ESRRG: variants seen among roughly 807,000 people sequenced by gnomAD.
ESRRG encodes the protein estrogen related receptor gamma, also known as estrogen-related receptor gamma.
ESRRG carries 13 observed loss-of-function variants against 44.0 expected under a neutral mutation model. The ratio of observed to expected loss-of-function variants is 0.30; its 90% CI spans 0.19 to 0.47. The LOEUF (loss-of-function observed/expected upper bound fraction) is 0.47, where lower values mean the gene tolerates loss of function less well. Ranked by LOEUF, ESRRG falls within the 20% of genes least tolerant of loss-of-function variation. The probability of loss-of-function intolerance (pLI) is 1.00; values close to 1 mark genes in which losing one functional copy is unlikely to be tolerated. For synonymous variants in ESRRG, 215 were observed against 214.6 expected (o/e 1.00, Z -0.02); for missense variants, 395 against 580.6 (o/e 0.68, Z 3.29).
intron 2 of ESRRG, among the ~76,000 whole-genome samples, chr1:216,925,657 G>A (rs551362541): frequency 6.6e-6 from 1 of 151,702 alleles, no homozygotes; most frequent in Non-Finnish European, 1.5e-5. Flanking sequence ...TTTATTCAAA[G>A]TGGGTCTGCT....
chr1:216,657,903 T>C (rs1366039982), intron 2 of ESRRG, among the ~76,000 whole-genome samples: 2 of 152,112 alleles, frequency 1.3e-5, no homozygotes, highest in East Asian at 3.9e-4. Flanking sequence ...AGGATTAAAT[T>C]CTGACAATCA....
intron 2 of ESRRG, among the ~76,000 whole-genome samples, chr1:216,655,796 G>C (rs1217887125): frequency 1.3e-5 from 2 of 152,056 alleles, no homozygotes; most frequent in African/African-American, 4.8e-5. Flanking sequence ...TAATTTCCAG[G>C]CCCTCCCATT....
chr1:216,506,570 A>G lies in ESRRG; in HGVS notation c.*369T>C, dbSNP rs1389637177. ...TTTAGAAAAAAGGGGAAGGATGAGA[A>G]AAGAGAGGAATGAGAGTAGGTAAAG... is the stretch of plus-strand genomic sequence containing the variant. On this transcript the variant is annotated 3_prime_UTR_variant, in exon 7 of 7. Transcript: ENST00000408911. 2.2e-6 allele frequency: 1 copy of G among 458,648 alleles called. No individual in the cohort carries two copies. The allele number at this position is 458,648 out of a possible 1,614,324, so 28.4% of individuals were successfully genotyped here.
At chr1:216,615,789 G>C (rs2061352612) in intron 3 of ESRRG, among the ~76,000 whole-genome samples, 1 of 144,074 alleles carries the variant, frequency 6.9e-6, no homozygotes, top group South Asian at 2.2e-4. Flanking sequence ...CCAGGCTCAA[G>C]AGATTCTCCT....
chr1:217,081,179 G>T (rs2091730603), intron 1 of ESRRG, among the ~76,000 whole-genome samples: 1 of 147,156 alleles, frequency 6.8e-6, no homozygotes, highest in Admixed American at 6.8e-5. Flanking sequence ...CTGATGGAAG[G>T]GTTGATTAGA....
chr1:217,075,595 C>CCG (rs1553275062), intron 1 of ESRRG, among the ~76,000 whole-genome samples: 2 of 146,954 alleles, frequency 1.4e-5, no homozygotes, highest in African/African-American at 5.1e-5. Context: ...CCTTTCCCCC[C>CCG]CCCAACATTA....
chr1:216,814,439 A>G (rs2095072288), intron 2 of ESRRG, among the ~76,000 whole-genome samples: 1 of 152,254 alleles, frequency 6.6e-6, no homozygotes, highest in Non-Finnish European at 1.5e-5. Flanking sequence ...CATCTCAAAA[A>G]ATTAATAAGC....
chr1:216,938,240 C>T lies in ESRRG; in HGVS notation c.-14+1342G>A, dbSNP rs76928676. ...CTATTTCTAGTGTACAAATCATTGC[C>T]CCTTCCTGCAATGGCATAGTAAGCA... On this transcript the variant is annotated intron_variant, in intron 2 of 7. Coordinates refer to the ESRRG transcript ENST00000359162. 4.7e-3 allele frequency among the ~76,000 whole-genome samples: 721 copies of T among 152,196 alleles called. 7 individuals are homozygous for T. Among genetic ancestry groups the T allele is most frequent in the African/African-American group, 0.016 (675 of 41,516 alleles).
chr1:216,792,629 CTACTT>C (rs1461306564), intron 2 of ESRRG, among the ~76,000 whole-genome samples: 1 of 152,298 alleles, frequency 6.6e-6, no homozygotes, highest in South Asian at 2.1e-4. Context: ...ATTTAATAGA[CTACTT>C]TACATGAAAT....
At chr1:217,065,654 A>G (rs2089513172) in intron 1 of ESRRG, among the ~76,000 whole-genome samples, 1 of 152,194 alleles carries the variant, frequency 6.6e-6, no homozygotes, top group South Asian at 2.1e-4. Context: ...TCTGCCATTT[A>G]CACACAACCT....
chr1:216,643,610 G>C (rs1488903247), intron 3 of ESRRG, among the ~76,000 whole-genome samples: 1 of 152,102 alleles, frequency 6.6e-6, no homozygotes, highest in Non-Finnish European at 1.5e-5. Context: ...GACTCCTGAT[G>C]TACACTGCCT....
intron 2 of ESRRG, among the ~76,000 whole-genome samples, chr1:216,742,003 C>T (rs1345738113): frequency 1.3e-5 from 2 of 151,984 alleles, no homozygotes; most frequent in Non-Finnish European, 1.5e-5. Flanking sequence ...GTACTTTTAC[C>T]CCACATTTTC....
intron 1 of ESRRG, among the ~76,000 whole-genome samples, chr1:217,035,822 A>G (rs2082784079): frequency 6.6e-6 from 1 of 152,178 alleles, no homozygotes; most frequent in Non-Finnish European, 1.5e-5. Flanking sequence ...TTCCCCATTA[A>G]TAAGAGTATG....
At chr1:216,983,380 C>T (rs111331286) in intron 1 of ESRRG, among the ~76,000 whole-genome samples, 2 of 151,576 alleles carry the variant, frequency 1.3e-5, no homozygotes, top group African/African-American at 4.8e-5. Flanking sequence ...TATAGGCATG[C>T]GCCACCACAC....
intron 1 of ESRRG, among the ~76,000 whole-genome samples, chr1:217,111,624 G>C (rs1214381599): frequency 6.6e-6 from 1 of 152,104 alleles, no homozygotes; most frequent in Non-Finnish European, 1.5e-5. Context: ...GATTTCTCTG[G>C]ATTAAAATTT....
At chr1:216,910,609 A>C (rs531307049) in intron 2 of ESRRG, among the ~76,000 whole-genome samples, 18 of 152,342 alleles carry the variant, frequency 1.2e-4, no homozygotes, top group African/African-American at 4.3e-4. Context: ...TCTAATAAAT[A>C]GGACACTATT....
chr1:216,801,150 AAT>A (rs1194853586), intron 2 of ESRRG, among the ~76,000 whole-genome samples: 1 of 152,210 alleles, frequency 6.6e-6, no homozygotes, highest in Non-Finnish European at 1.5e-5. Flanking sequence ...AAAAATTCCA[AAT>A]ACAATATTAT....
At chr1:216,546,642 T>C (rs997232552) in intron 5 of ESRRG, among the ~76,000 whole-genome samples, 4 of 151,858 alleles carry the variant, frequency 2.6e-5, no homozygotes, top group Non-Finnish European at 5.9e-5. Context: ...ATCAATGAAA[T>C]CTACATTTTG....
intron 1 of ESRRG, among the ~76,000 whole-genome samples, chr1:217,131,174 C>T (rs1176855149): frequency 1.3e-5 from 2 of 152,076 alleles, no homozygotes; most frequent in Non-Finnish European, 2.9e-5. Flanking sequence ...TTGCAAAGGT[C>T]CAATTTCCTG....
Sources: allele counts gnomAD v4.1 joint callset (sites outside exome capture counted in the v4.1 genomes callset), GRCh38; gene constraint gnomAD v4.1.1; transcripts MANE v1.5; gene names NCBI Gene and HGNC (gene_info 2026-07-23, HGNC 2026-07-21).